AP3S1: variants seen among roughly 807,000 people sequenced by gnomAD.
The protein encoded by AP3S1 is adaptor related protein complex 3 subunit sigma 1, also known as AP-3 complex subunit sigma-1.
AP3S1 carries 12 observed loss-of-function variants against 21.3 expected under a neutral mutation model. The observed-to-expected ratio is 0.56, with a 90% CI of 0.36 to 0.91. The LOEUF (loss-of-function observed/expected upper bound fraction) is 0.91, where lower values mean the gene tolerates loss of function less well. Ranked by LOEUF, AP3S1 falls within the 40% of genes least tolerant of loss-of-function variation. The probability of loss-of-function intolerance (pLI) is 0.01; values close to 1 mark genes in which losing one functional copy is unlikely to be tolerated. For synonymous variants in AP3S1, 48 were observed against 78.4 expected, an observed-to-expected ratio of 0.61 and a Z score of 2.05; for missense variants, 116 against 225.0, an observed-to-expected ratio of 0.52 and a Z score of 3.10.
intron 3 of AP3S1, among the ~76,000 whole-genome samples, chr5:115,876,159 AG>A (rs1442377437): frequency 6.6e-6 from 1 of 152,120 alleles, no homozygotes; most frequent in Non-Finnish European, 1.5e-5. Context: ...ATCTGTCCCC[AG>A]TTTTCTTTTT....
chr5:115,859,770 A>G (rs1763039920), intron 1 of AP3S1, among the ~76,000 whole-genome samples: 1 of 152,200 alleles, frequency 6.6e-6, no homozygotes, highest in Non-Finnish European at 1.5e-5. Context: ...AGATCTAGTT[A>G]GAGTTCCTAC....
chr5:115,887,903 A>G (rs1307336525), intron 3 of AP3S1, among the ~76,000 whole-genome samples: 1 of 152,156 alleles, frequency 6.6e-6, no homozygotes, highest in Non-Finnish European at 1.5e-5. Context: ...AAACACAAGC[A>G]TGTTTTATAA....
intron 3 of AP3S1, among the ~76,000 whole-genome samples, chr5:115,875,389 G>A (rs1748621883): frequency 6.6e-6 from 1 of 152,178 alleles, no homozygotes; most frequent in Non-Finnish European, 1.5e-5. Context: ...GTGGTGTGCC[G>A]ATGAAGGCCC....
intron 5 of AP3S1, chr5:115,906,702 A>C: frequency 2.9e-6 from 2 of 685,422 alleles, no homozygotes; most frequent in Non-Finnish European, 4.4e-6. Flanking sequence ...TATGTATTTC[A>C]TGTTATTCTT....
At chr5:115,902,791 CAT>C in intron 4 of AP3S1, 92 bp from the exon 5 acceptor site, 1 of 840,604 alleles carries the variant, frequency 1.2e-6, no homozygotes, top group Admixed American at 3.0e-5. Flanking sequence ...ATACTTTTAA[CAT>C]AGACAAAGTG....
At chr5:115,853,155 A>G (rs529066955) in intron 1 of AP3S1, 1 of 355,074 alleles carries the variant, frequency 2.8e-6, no homozygotes, top group Non-Finnish European at 5.5e-6. Flanking sequence ...GGTTATTTTT[A>G]TTCTAGCTGT....
intron 1 of AP3S1, among the ~76,000 whole-genome samples, chr5:115,856,661 A>G (rs1762824687): frequency 6.6e-6 from 1 of 151,960 alleles, no homozygotes; most frequent in African/African-American, 2.4e-5. Flanking sequence ...TGTTGTTTAG[A>G]TGGGGTCTCA....
intron 2 of AP3S1, among the ~76,000 whole-genome samples, chr5:115,868,323 T>G (rs1348814682): frequency 6.6e-6 from 1 of 152,104 alleles, no homozygotes; most frequent in Non-Finnish European, 1.5e-5. Context: ...CAGAATGGAG[T>G]AAAGCCTCCT....
chr5:115,885,725 A>AC (rs1749724068), intron 3 of AP3S1, among the ~76,000 whole-genome samples: 1 of 152,180 alleles, frequency 6.6e-6, no homozygotes, highest in African/African-American at 2.4e-5. Flanking sequence ...ACTCAAGTTA[A>AC]CAGCTAATAT....
intron 4 of AP3S1, among the ~76,000 whole-genome samples, chr5:115,900,183 A>G (rs1316989980): frequency 1.3e-5 from 2 of 152,230 alleles, no homozygotes; most frequent in Non-Finnish European, 2.9e-5. Flanking sequence ...AGGAAAGGCC[A>G]GATAAATTCT....
At chr5:115,855,372 C>G (rs1270028456) in intron 1 of AP3S1, among the ~76,000 whole-genome samples, 5 of 151,940 alleles carry the variant, frequency 3.3e-5, no homozygotes, top group Non-Finnish European at 5.9e-5. Context: ...CAGGGCCTCG[C>G]TCAGCCACCT....
At position 115,895,155 on chromosome 5, in the gene AP3S1, C is replaced by G. The variant is rs1750644086; in HGVS notation, c.342C>G (p.Asp114Glu). The change falls in exon 4 of 6, where the codon GAC becomes GAG. Residue 114 changes from aspartate (D) to glutamate (E), a missense_variant. This residue lies in a region of AP3S1 where 65 missense variants were observed against 148.2 expected (regional missense o/e 0.44). Coordinates refer to ENST00000316788, the MANE Select transcript of AP3S1 (RefSeq NM_001284.4). ...AGCTGGATTTGATTTTCCATGTAGA[C>G]AAGGTACTATTTGTATTGTCACATC... ...VCELDLIFHV[D>E]KVHNILAEMV... The G allele has an allele frequency of 1.9e-6, 3 of 1,600,034 alleles. No individual in the cohort carries two copies. The highest frequency in any genetic ancestry group is 2.6e-6 in the Non-Finnish European group (3 of 1,172,016).
chr5:115,884,499 A>C (rs967123367), intron 3 of AP3S1, among the ~76,000 whole-genome samples: 2 of 152,114 alleles, frequency 1.3e-5, no homozygotes, highest in Non-Finnish European at 2.9e-5. Flanking sequence ...CCAGGCGGGG[A>C]GGGGAGTGGA....
intron 3 of AP3S1, among the ~76,000 whole-genome samples, chr5:115,889,124 C>CT (rs1049488659): frequency 6.6e-6 from 1 of 151,986 alleles, no homozygotes; most frequent in Non-Finnish European, 1.5e-5. Context: ...CTATCACGAA[C>CT]TTTTTTTTCT....
chr5:115,858,683 C>T (rs1404233828), intron 1 of AP3S1, among the ~76,000 whole-genome samples: 1 of 151,598 alleles, frequency 6.6e-6, no homozygotes, highest in Non-Finnish European at 1.5e-5. Flanking sequence ...CCCTTTGGGT[C>T]AATTTCCCAC....
At chr5:115,878,608 T>A (rs1325640096) in intron 3 of AP3S1, among the ~76,000 whole-genome samples, 1 of 152,250 alleles carries the variant, frequency 6.6e-6, no homozygotes, top group African/African-American at 2.4e-5. Flanking sequence ...AGCCTTATAG[T>A]ATAGTTTGAA....
chr5:115,889,009 G>T (rs980820981), intron 3 of AP3S1, among the ~76,000 whole-genome samples: 1 of 152,162 alleles, frequency 6.6e-6, no homozygotes, highest in South Asian at 2.1e-4. Context: ...AGGCATGTAT[G>T]TCTTCCTGGT....
intron 4 of AP3S1, among the ~76,000 whole-genome samples, chr5:115,897,709 G>A (rs972359435): frequency 3.3e-5 from 5 of 151,834 alleles, no homozygotes; most frequent in Non-Finnish European, 7.4e-5. Flanking sequence ...ACAGGCACCC[G>A]CCACCACGCC....
At chr5:115,900,448 G>T (rs941088721) in intron 4 of AP3S1, among the ~76,000 whole-genome samples, 1 of 152,156 alleles carries the variant, frequency 6.6e-6, no homozygotes, top group African/African-American at 2.4e-5. Flanking sequence ...TAGCTGTCTT[G>T]TGTTGTGGTC....
Sources: gnomAD v4.1 joint callset for allele counts (sites outside exome capture counted in the v4.1 genomes callset) on GRCh38, gnomAD v4.1.1 for gene constraint, gnomAD v4.1.1 regional missense constraint, MANE v1.5 for transcripts, NCBI Gene and HGNC (gene_info 2026-07-23, HGNC 2026-07-21) for gene names.